The following SLC2A13 variants were observed in gnomAD, a reference collection of about 807,000 sequenced individuals.
SLC2A13 encodes the protein proton myo-inositol cotransporter.
Under a neutral mutation model 64.4 loss-of-function variants are expected in SLC2A13, and 32 were observed. The ratio of observed to expected loss-of-function variants is 0.50; its 90% CI spans 0.37 to 0.67. The LOEUF is 0.67. Among genes scored for constraint, SLC2A13 ranks in the 30% least tolerant of loss-of-function variants. The probability of loss-of-function intolerance (pLI) is 0.00; values close to 1 mark genes in which losing one functional copy is unlikely to be tolerated. For synonymous variants in SLC2A13, 338 were observed against 327.1 expected (o/e 1.03, Z -0.36); for missense variants, 743 against 829.2 (o/e 0.90, Z 1.28).
At chr12:39,858,893 A>G (rs544469686) in intron 6 of SLC2A13, among the ~76,000 whole-genome samples, 84 of 152,278 alleles carry the variant, frequency 5.5e-4, no homozygotes, top group African/African-American at 1.9e-3. Context: ...GGTGTGACGC[A>G]CCGTGCCCGA....
intron 4 of SLC2A13, among the ~76,000 whole-genome samples, chr12:39,890,254 C>G (rs907072654): frequency 6.6e-6 from 1 of 151,934 alleles, no homozygotes; most frequent in Non-Finnish European, 1.5e-5. Flanking sequence ...AGAGATATGA[C>G]TAAAGATTTA....
intron 4 of SLC2A13, among the ~76,000 whole-genome samples, chr12:39,896,008 A>G (rs1328977577): frequency 6.8e-6 from 1 of 147,534 alleles, no homozygotes; most frequent in African/African-American, 2.5e-5. Context: ...GTATATATAC[A>G]TGTGTATATG....
intron 1 of SLC2A13, among the ~76,000 whole-genome samples, chr12:40,100,645 T>C (rs1939112033): frequency 6.6e-6 from 1 of 152,088 alleles, no homozygotes; most frequent in African/African-American, 2.4e-5. Flanking sequence ...GAAAATGGGA[T>C]TGTGTGTAAA....
intron 4 of SLC2A13, among the ~76,000 whole-genome samples, chr12:39,899,311 T>G (rs968731644): frequency 3.3e-5 from 5 of 152,220 alleles, no homozygotes; most frequent in African/African-American, 1.2e-4. Flanking sequence ...TGTATTTCTG[T>G]GGGATTGGTG....
rs576884889 is a variant in SLC2A13, at chr12:40,063,755, T to C, written c.557-15545A>G. On this transcript the variant is annotated intron_variant, in intron 1 of 9. Transcript: ENST00000280871. ...TAATTAAGGTGTGCAAATCCAAATA[T>C]GTTAAAGACTTGACTTCATGTTTTA... 2.1e-3 allele frequency among the ~76,000 whole-genome samples: 313 copies of C among 152,294 alleles called. 2 individuals carry two copies. The highest frequency in any genetic ancestry group is 0.014 in the Middle Eastern group (4 of 294).
chr12:39,871,375 G>C (rs1375942207), intron 5 of SLC2A13, among the ~76,000 whole-genome samples: 1 of 78,334 alleles, frequency 1.3e-5, no homozygotes, highest in Admixed American at 1.7e-4. Context: ...ACTGCTGAAA[G>C]AGCTTTGAAA....
chr12:39,888,317 C>G (rs1359221335), intron 4 of SLC2A13, among the ~76,000 whole-genome samples: 1 of 152,142 alleles, frequency 6.6e-6, no homozygotes, highest in Non-Finnish European at 1.5e-5. Flanking sequence ...CTCCGCTTCC[C>G]AGGTTCAAGC....
chr12:39,900,589 T>C (rs1565531820), intron 4 of SLC2A13, among the ~76,000 whole-genome samples: 2 of 152,118 alleles, frequency 1.3e-5, no homozygotes, highest in African/African-American at 2.4e-5. Context: ...CTATTCACAA[T>C]TGCTTCAAAG....
chr12:39,827,723 A>C (rs1462445715), intron 7 of SLC2A13, among the ~76,000 whole-genome samples: 1 of 152,092 alleles, frequency 6.6e-6, no homozygotes, highest in Non-Finnish European at 1.5e-5. Context: ...AACAACATAG[A>C]TATAGAAAAC....
chr12:39,991,022 C>T (rs769455361), intron 3 of SLC2A13, among the ~76,000 whole-genome samples: 27 of 152,150 alleles, frequency 1.8e-4, no homozygotes, highest in Non-Finnish European at 1.2e-4. Flanking sequence ...TAGGTCTTTC[C>T]TAAAAATCAA....
intron 4 of SLC2A13, chr12:39,951,049 A>G: frequency 2.3e-6 from 1 of 442,784 alleles, no homozygotes; most frequent in Non-Finnish European, 4.0e-6. Flanking sequence ...AAAGCCAATC[A>G]TATAACAAAC....
chr12:40,057,424 CT>C (rs1300006782), intron 1 of SLC2A13, among the ~76,000 whole-genome samples: 1 of 152,052 alleles, frequency 6.6e-6, no homozygotes, highest in Non-Finnish European at 1.5e-5. Flanking sequence ...GAAAAAACAG[CT>C]TGTCCATAAA....
Position 40,048,064 on chromosome 12 carries a change from T to C in SLC2A13, c.703A>G (p.Lys235Glu). The C allele has an allele frequency of 1.2e-6, 2 of 1,607,678 alleles. No individual in the cohort carries two copies. The change falls in exon 2 of 10, where the codon AAG becomes GAG. Residue 235 changes from lysine (K) to glutamate (E), a missense_variant. Lys to Glu is a moderately conservative substitution (Grantham distance 56). Around this residue, in one of 2 missense-constraint regions of SLC2A13, gnomAD observed 448 missense variants for 447.4 expected, o/e 1.00. Transcript: ENST00000280871. Reference protein sequence around the residue: ...VVDGAFSYLQKDGWRYMLGLA... With the variant: ...VVDGAFSYLQEDGWRYMLGLA... ...GTATTTACAAACCTCCATCCATCCT[T>C]CTGGAGATAACTGAAGGCTCCATCA...
intron 6 of SLC2A13, among the ~76,000 whole-genome samples, chr12:39,842,597 A>G (rs1488609703): frequency 6.6e-6 from 1 of 152,054 alleles, no homozygotes; most frequent in East Asian, 1.9e-4. Flanking sequence ...ATCACTCACT[A>G]TAGCACATAT....
At chr12:39,763,721 C>T (rs1177117476) in intron 9 of SLC2A13, among the ~76,000 whole-genome samples, 2 of 152,090 alleles carry the variant, frequency 1.3e-5, no homozygotes, top group African/African-American at 4.8e-5. Flanking sequence ...AGAATGAAAC[C>T]TCATACTTCA....
chr12:39,932,583 A>G (rs1945845851), intron 4 of SLC2A13, among the ~76,000 whole-genome samples: 1 of 152,240 alleles, frequency 6.6e-6, no homozygotes, highest in Non-Finnish European at 1.5e-5. Flanking sequence ...TAATAAACAA[A>G]TAAATAAGCA....
chr12:39,895,867 C>T lies in SLC2A13; in HGVS notation c.1035-23906G>A, dbSNP rs201745829. Among the ~76,000 whole-genome samples the T allele has an allele frequency of 8.1e-3, 91 of 11,254 alleles. 15 individuals are homozygous for T. Among genetic ancestry groups the T allele is most frequent in the East Asian group, 0.045 (3 of 66 alleles). 7.4% of individuals were successfully genotyped at this position (11,254 alleles called of 152,430 possible). A position where few individuals can be genotyped will look rare whatever the true frequency, so the allele number is the denominator to read the frequency against. On this transcript the variant is annotated intron_variant, in intron 4 of 9. Coordinates refer to ENST00000280871, the MANE Select transcript of SLC2A13 (RefSeq NM_052885.4). ...ACACATATGTATATGCGTGTATATG[C>T]ACACACATATGTATATGCGTGTATA...
At chr12:39,948,387 G>T (rs1020968175) in intron 4 of SLC2A13, among the ~76,000 whole-genome samples, 6 of 151,872 alleles carry the variant, frequency 4.0e-5, no homozygotes, top group African/African-American at 1.5e-4. Flanking sequence ...ATATGGTAAA[G>T]GAAAAGAAAA....
At chr12:39,848,403 G>A (rs1163908297) in intron 6 of SLC2A13, among the ~76,000 whole-genome samples, 1 of 152,102 alleles carries the variant, frequency 6.6e-6, no homozygotes, top group Non-Finnish European at 1.5e-5. Context: ...CATACGTGCA[G>A]CCAAGGAGCA....
Sources: allele counts gnomAD v4.1 joint callset (sites outside exome capture counted in the v4.1 genomes callset), GRCh38; gene constraint gnomAD v4.1.1; regional missense constraint gnomAD v4.1.1; transcripts MANE v1.5; gene names NCBI Gene and HGNC (gene_info 2026-07-23, HGNC 2026-07-21).